ARHGEF19: variants seen among roughly 807,000 people sequenced by gnomAD.
ARHGEF19 encodes the protein Rho guanine nucleotide exchange factor 19.
In ARHGEF19, 92 loss-of-function variants were observed where a neutral mutation model predicts 87.6. The ratio of observed to expected loss-of-function variants is 1.05; its 90% CI spans 0.89 to 1.25. The LOEUF is 1.25. Ranked by LOEUF, ARHGEF19 falls within the 50% of genes most tolerant of loss-of-function variation. ARHGEF19 has a pLI of 0.00. For missense variants in ARHGEF19, 1,054 were observed against 1,051.8 expected (o/e 1.00, Z -0.03); for synonymous variants, 438 against 446.2 (o/e 0.98, Z 0.23).
chr1:16,205,945 G>C lies in ARHGEF19; in HGVS notation c.1437C>G (p.Thr479=), dbSNP rs1047004142. The change falls in exon 8 of 16, where the codon ACC becomes ACG. Residue 479 remains threonine, a synonymous_variant. Coordinates refer to ENST00000270747, the MANE Select transcript of ARHGEF19 (RefSeq NM_153213.5). This position sits in a 1 kb window ranked among gnomAD's most constrained non-coding sequence, Gnocchi z 5.8. ...CCCAGCCCTACAGCAGGCGCTGGTA[G>C]GTGCGCTCCTGGTAGGCCTGGTTGG... The part of the protein sequence containing the change: ...YVTNQAYQER[T]YQRLLLENPR... The C allele has an allele frequency of 6.2e-7, 1 of 1,609,882 alleles. No individual in the cohort carries two copies. The highest frequency in any genetic ancestry group is 8.5e-7 in the Non-Finnish European group (1 of 1,178,206).
At chr1:16,210,902 C>T (rs796486087) in intron 1 of ARHGEF19, among the ~76,000 whole-genome samples, 7 of 152,252 alleles carry the variant, frequency 4.6e-5, no homozygotes, top group African/African-American at 1.4e-4. Context: ...GAGGACCCAG[C>T]GAGAGATGGC....
At chr1:16,209,635 C>A (rs967576470) in intron 1 of ARHGEF19, among the ~76,000 whole-genome samples, 1 of 152,202 alleles carries the variant, frequency 6.6e-6, no homozygotes, top group Non-Finnish European at 1.5e-5. Flanking sequence ...TTTACACAAC[C>A]GCATACATTC....
chr1:16,208,609 G>A, intron 2 of ARHGEF19, 34 bp downstream of exon 2: 1 of 1,562,944 alleles, frequency 6.4e-7, no homozygotes, highest in South Asian at 1.2e-5. Flanking sequence ...CCCCTGCCAT[G>A]GCACCCACAC....
At position 16,205,422 on chromosome 1, in the gene ARHGEF19, T is replaced by C. The variant is rs769785661; in HGVS notation, c.1585A>G (p.Ile529Val). The change falls in exon 10 of 16, where the codon ATC becomes GTC. Residue 529 changes from isoleucine (I) to valine (V), a missense_variant. Transcript: ENST00000270747. The surrounding 1 kb of genome is among the most constrained non-coding windows in gnomAD (Gnocchi z 5.8). ...GAGCCCTGTGCTGTCCGCTTCAGGATGTTCTGGAAGGTGGGATCAGCACAA... is the reference window on the plus strand; with the variant it reads ...GAGCCCTGTGCTGTCCGCTTCAGGACGTTCTGGAAGGTGGGATCAGCACAA... ...ITRLKMLVEN[I>V]LKRTAQGSED... 6.2e-7 allele frequency: 1 copy of C among 1,610,826 alleles called. No homozygotes were observed. Among genetic ancestry groups the C allele is most frequent in the Admixed American group, 1.7e-5 (1 of 59,142 alleles).
At position 16,205,028 on chromosome 1, in the gene ARHGEF19, C is replaced by G. The variant is rs2081114486; in HGVS notation, c.1746+59G>C. On this transcript the variant is annotated intron_variant, in intron 11 of 15. Transcript: ENST00000270747. The surrounding 1 kb of genome is among the most constrained non-coding windows in gnomAD (Gnocchi z 5.8). ...ATTAACTGGCCTGAAGCCCCCAGGG[C>G]AAGGAAGAAACAAGAGCTGCCCCTT... 1.3e-6 allele frequency: 2 copies of G among 1,563,578 alleles called. No homozygotes were observed. The highest frequency in any genetic ancestry group is 1.7e-6 in the Non-Finnish European group (2 of 1,153,416).
chr1:16,205,018 G>A lies in ARHGEF19; in HGVS notation c.1746+69C>T, dbSNP rs1569706049. 6 of 1,561,796 alleles carry A rather than the reference G, an allele frequency of 3.8e-6. No individual in the cohort carries two copies. In the African/African-American group the frequency reaches 6.8e-5, roughly 18 times the overall value. On this transcript the variant is annotated intron_variant, in intron 11 of 15. Coordinates refer to ENST00000270747, the MANE Select transcript of ARHGEF19 (RefSeq NM_153213.5). This position sits in a 1 kb window ranked among gnomAD's most constrained non-coding sequence, Gnocchi z 5.8. Reference sequence around the variant, plus strand: ...GTGGGCAGCGATTAACTGGCCTGAAGCCCCCAGGGCAAGGAAGAAACAAGA... The same window carrying A: ...GTGGGCAGCGATTAACTGGCCTGAAACCCCCAGGGCAAGGAAGAAACAAGA...
Position 16,207,109 on chromosome 1 carries a change from C to T in ARHGEF19, c.976G>A (p.Glu326Lys). The T allele has an allele frequency of 6.6e-6, 10 of 1,515,836 alleles. No homozygotes were observed. The highest frequency in any genetic ancestry group is 7.9e-6 in the Non-Finnish European group (9 of 1,135,998). The allele number at this position is 1,515,836 out of a possible 1,614,324, so 93.9% of individuals were successfully genotyped here. ...GPGDEAEGAE[E>K]GPGPPRANLS... ...TTGGCCCGCGGCGGCCCCGGCCCCT[C>T]CTCTGCGCCCTCGGCCTCGTCCCCC... The change falls in exon 6 of 16, where the codon GAG becomes AAG. Residue 326 changes from glutamate to lysine, a missense_variant. Transcript: ENST00000270747. This position sits in a 1 kb window ranked among gnomAD's most constrained non-coding sequence, Gnocchi z 4.0.
chr1:16,207,673 A>G lies in ARHGEF19; in HGVS notation c.797+2T>C. The G allele has an allele frequency of 1.9e-6, 3 of 1,614,044 alleles. No homozygotes were observed. The highest frequency in any genetic ancestry group is 2.5e-6 in the Non-Finnish European group (3 of 1,180,008). ...GACCCAAGCCCAAACGGGAGGTGGT[A>G]CCTGGGCTCGGACCAATCGCCCTCT... is the stretch of plus-strand genomic sequence containing the variant. On this transcript the variant is annotated splice_donor_variant, in intron 4 of 15. Coordinates refer to ENST00000270747, the MANE Select transcript of ARHGEF19 (RefSeq NM_153213.5). LOFTEE classifies it high-confidence loss of function. This position sits in a 1 kb window ranked among gnomAD's most constrained non-coding sequence, Gnocchi z 4.0.
Position 16,207,014 on chromosome 1 carries a change from A to G in ARHGEF19, c.1071T>C (p.Asp357=). 1 of 1,517,132 alleles carries G rather than the reference A, an allele frequency of 6.6e-7. No homozygotes were observed. Among genetic ancestry groups the G allele is most frequent in the Admixed American group, 2.1e-5 (1 of 47,334 alleles). 94.0% of individuals were successfully genotyped at this position (1,517,132 alleles called of 1,614,324 possible). ...ARGSTFSLWQ[D]IPDVRGSGVL... ...CGCCGCTGCCGCGTACGTCGGGGAT[A>G]TCCTGCCACAGCGAGAAGGTGGAGC... The change falls in exon 6 of 16, where the codon GAT becomes GAC. Residue 357 remains aspartate, a synonymous_variant. Transcript: ENST00000270747. This position sits in a 1 kb window ranked among gnomAD's most constrained non-coding sequence, Gnocchi z 4.0.
At chr1:16,203,932 A>G (rs2100270960) in intron 12 of ARHGEF19, among the ~76,000 whole-genome samples, 1 of 152,354 alleles carries the variant, frequency 6.6e-6, no homozygotes, top group South Asian at 2.1e-4. Flanking sequence ...ATTCATATTT[A>G]TGTCCCTAGC....
intron 12 of ARHGEF19, 29 bp from the exon 13 acceptor site, chr1:16,202,603 C>T (rs768100920): frequency 6.2e-7 from 1 of 1,600,722 alleles, no homozygotes; most frequent in East Asian, 2.2e-5. Flanking sequence ...GGAGGTCAGC[C>T]TGGCCTGGGC....
Position 16,207,837 on chromosome 1 carries a change from C to A in ARHGEF19, c.695-60G>T, listed in dbSNP as rs1557542298. The A allele has an allele frequency of 4.4e-6, 7 of 1,585,852 alleles. 1 individual carries two copies. The highest frequency in any genetic ancestry group is 6.0e-6 in the Non-Finnish European group (7 of 1,166,014). ...GAGAGTGGGCCTGGGGCCTGGGCCCCGGCCCAGGCACCCTGACGGCCTCAG... is the reference window on the plus strand; with the variant it reads ...GAGAGTGGGCCTGGGGCCTGGGCCCAGGCCCAGGCACCCTGACGGCCTCAG... On this transcript the variant is annotated intron_variant, in intron 3 of 15. Transcript: ENST00000270747. The surrounding 1 kb of genome is among the most constrained non-coding windows in gnomAD (Gnocchi z 4.0).
In ARHGEF19 at chr1:16,207,902, C is replaced by CCCCCACA; in HGVS notation, c.694+41_694+42insTGTGGGG. 1 of 1,574,808 alleles carries CCCCCACA rather than the reference C, an allele frequency of 6.3e-7. No individual in the cohort carries two copies. The highest frequency in any genetic ancestry group is 8.6e-7 in the Non-Finnish European group (1 of 1,159,192). Reference sequence around the variant, plus strand: ...GGCATCGCCCACCCCCACCCCCACCCGGCATCTGGCTGCCCTCAGGGCCCA... The same window carrying CCCCCACA: ...GGCATCGCCCACCCCCACCCCCACCCCCCCACAGGCATCTGGCTGCCCTCAGGGCCCA... On this transcript the variant is annotated intron_variant, in intron 3 of 15. Coordinates refer to ENST00000270747, the MANE Select transcript of ARHGEF19 (RefSeq NM_153213.5). The surrounding 1 kb of genome is among the most constrained non-coding windows in gnomAD (Gnocchi z 4.0).
In ARHGEF19 at chr1:16,207,882, C is replaced by CGG; in HGVS notation, c.694+61_694+62insCC. 304 of 1,478,154 alleles carry CGG rather than the reference C, an allele frequency of 2.1e-4. No individual in the cohort carries two copies. The highest frequency in any genetic ancestry group is 4.9e-4 in the Middle Eastern group (2 of 4,070). The allele number at this position is 1,478,154 out of a possible 1,614,324, so 91.6% of individuals were successfully genotyped here. ...CCTCAGGCGGCCGGTGAGTGGGCAT[C>CGG]GCCCACCCCCACCCCCACCCGGCAT... On this transcript the variant is annotated intron_variant, in intron 3 of 15. Coordinates refer to ENST00000270747, the MANE Select transcript of ARHGEF19 (RefSeq NM_153213.5). This position sits in a 1 kb window ranked among gnomAD's most constrained non-coding sequence, Gnocchi z 4.0.
In ARHGEF19 at chr1:16,207,107, C is replaced by T. The variant is rs776588929; in HGVS notation, c.978G>A (p.Glu326=). Residue 326 remains glutamate, a synonymous_variant, in exon 6 of 16, where the codon GAG becomes GAA. Transcript: ENST00000270747. The surrounding 1 kb of genome is among the most constrained non-coding windows in gnomAD (Gnocchi z 4.0). ...GGTTGGCCCGCGGCGGCCCCGGCCC[C>T]TCCTCTGCGCCCTCGGCCTCGTCCC... ...GPGDEAEGAE[E]GPGPPRANLS... 2.1e-5 allele frequency: 31 copies of T among 1,511,522 alleles called. No individual in the cohort carries two copies. The South Asian group carries it at 3.2e-4, about 16-fold the overall frequency. 93.6% of individuals were successfully genotyped at this position (1,511,522 alleles called of 1,614,324 possible). A position where few individuals can be genotyped will look rare whatever the true frequency, so the allele number is the denominator to read the frequency against.
In ARHGEF19 at chr1:16,207,042, C is replaced by T; in HGVS notation, c.1043G>A (p.Arg348Gln). Residue 348 changes from arginine (R) to glutamine (Q), a missense_variant, in exon 6 of 16, where the codon CGA becomes CAA. Coordinates refer to ENST00000270747, the MANE Select transcript of ARHGEF19 (RefSeq NM_153213.5). This position sits in a 1 kb window ranked among gnomAD's most constrained non-coding sequence, Gnocchi z 4.0. ...CTGCCACAGCGAGAAGGTGGAGCCTCGCGCCGAGCGCTGCGCCCGGAAGGA... is the reference window on the plus strand; with the variant it reads ...CTGCCACAGCGAGAAGGTGGAGCCTTGCGCCGAGCGCTGCGCCCGGAAGGA... ...SSSFRAQRSA[R>Q]GSTFSLWQDI... The T allele has an allele frequency of 6.6e-7, 1 of 1,509,408 alleles. No homozygotes were observed. The highest frequency in any genetic ancestry group is 8.8e-7 in the Non-Finnish European group (1 of 1,131,750). The allele number at this position is 1,509,408 out of a possible 1,614,324, so 93.5% of individuals were successfully genotyped here. A position where few individuals can be genotyped will look rare whatever the true frequency, so the allele number is the denominator to read the frequency against.
At chr1:16,209,728 A>T (rs1263593493) in intron 1 of ARHGEF19, among the ~76,000 whole-genome samples, 2 of 152,158 alleles carry the variant, frequency 1.3e-5, no homozygotes, top group South Asian at 2.1e-4. Flanking sequence ...TTCCCTTCAC[A>T]TGCACACAGA....
Position 16,206,498 on chromosome 1 carries a change from C to T in ARHGEF19, c.1138-158G>A, listed in dbSNP as rs1220415683. ...GCCGGGCGGGCCCGGCGACCCACGT[C>T]CCGCCGCGGGAAATTGTGCAAGCCT... On this transcript the variant is annotated intron_variant, in intron 6 of 15. Transcript: ENST00000270747. This position sits in a 1 kb window ranked among gnomAD's most constrained non-coding sequence, Gnocchi z 4.6. The T allele has an allele frequency of 1.3e-6, 1 of 754,794 alleles. No homozygotes were observed. Among genetic ancestry groups the T allele is most frequent in the Admixed American group, 2.8e-5 (1 of 35,394 alleles). 46.8% of individuals were successfully genotyped at this position (754,794 alleles called of 1,614,324 possible).
At chr1:16,209,870 G>A (rs1421886156) in intron 1 of ARHGEF19, among the ~76,000 whole-genome samples, 1 of 152,250 alleles carries the variant, frequency 6.6e-6, no homozygotes, top group Non-Finnish European at 1.5e-5. Context: ...TCATGGACTG[G>A]CAGGCGGGCC....
Sources: gnomAD v4.1 joint callset for allele counts (sites outside exome capture counted in the v4.1 genomes callset) on GRCh38, gnomAD v4.1.1 for gene constraint, Gnocchi (gnomAD v3.1) non-coding constraint, MANE v1.5 for transcripts, NCBI Gene and HGNC (gene_info 2026-07-23, HGNC 2026-07-21) for gene names.